The following RNF217 variants were observed in gnomAD, a reference collection of about 807,000 sequenced individuals.
RNF217 encodes E3 ubiquitin-protein ligase RNF217.
In RNF217, 31 loss-of-function variants were observed where a neutral mutation model predicts 57.8. The observed-to-expected ratio is 0.54, with a 90% CI of 0.40 to 0.72. The LOEUF is 0.72. Among genes scored for constraint, RNF217 ranks in the 30% least tolerant of loss-of-function variants. RNF217 has a pLI of 0.00. For missense variants in RNF217, 696 were observed against 708.3 expected (o/e 0.98, Z 0.20); for synonymous variants, 313 against 294.0 (o/e 1.06, Z -0.66).
chr6:125,031,091 C>T (rs1437959688), intron 1 of RNF217, among the ~76,000 whole-genome samples: 3 of 152,218 alleles, frequency 2.0e-5, no homozygotes, highest in East Asian at 1.9e-4. Context: ...AGCCACAGCC[C>T]GAGCTGTATG....
intron 1 of RNF217, among the ~76,000 whole-genome samples, chr6:125,013,712 T>C (rs1200348175): frequency 6.6e-6 from 1 of 152,140 alleles, no homozygotes; most frequent in Non-Finnish European, 1.5e-5. Context: ...ATACTCCATA[T>C]ATATCAATTA....
At chr6:124,996,526 G>T (rs1784757269) in intron 1 of RNF217, 1 of 151,998 alleles carries the variant, frequency 6.6e-6, no homozygotes, top group Non-Finnish European at 1.5e-5. Context: ...CTTTTATGAA[G>T]AGTTTTAATT....
At chr6:125,082,821 A>T (rs775227589) in intron 5 of RNF217, 43 bp from the exon 6 acceptor site, 70 of 1,401,466 alleles carry the variant, frequency 5.0e-5, no homozygotes, top group Non-Finnish European at 6.8e-5. Flanking sequence ...GAAAACCTAA[A>T]TGCCTCTCAT....
Position 125,087,572 on chromosome 6 carries a change from A to T in RNF217, c.*4635A>T, listed in dbSNP as rs487403. On this transcript the variant is annotated 3_prime_UTR_variant, in exon 6 of 6. Transcript: ENST00000521654. The stretch of plus-strand genomic sequence containing the variant: ...TACATTTCAATGGAGACAGTATACA[A>T]AGTTAAAGCAACTGATACATATATT... 1 of 152,158 alleles carries T rather than the reference A, an allele frequency of 6.6e-6. No individual in the cohort carries two copies. The allele number at this position is 152,158 out of a possible 1,614,324, so 9.4% of individuals were successfully genotyped here. A position where few individuals can be genotyped will look rare whatever the true frequency, so the allele number is the denominator to read the frequency against.
At chr6:125,060,289 A>G (rs540552230) in intron 3 of RNF217, among the ~76,000 whole-genome samples, 21 of 152,214 alleles carry the variant, frequency 1.4e-4, no homozygotes, top group Non-Finnish European at 2.2e-4. Flanking sequence ...ACATATTTTC[A>G]TATAAATGCT....
At chr6:125,001,604 TCA>T (rs2114285717) in intron 1 of RNF217, among the ~76,000 whole-genome samples, 1 of 152,332 alleles carries the variant, frequency 6.6e-6, no homozygotes, top group South Asian at 2.1e-4. Flanking sequence ...TAAATTTGAA[TCA>T]CAGTTGTTAA....
Position 125,083,600 on chromosome 6 carries a change from C to T in RNF217, c.*663C>T, listed in dbSNP as rs373276187. 9 of 152,168 alleles carry T rather than the reference C, an allele frequency of 5.9e-5. No individual in the cohort carries two copies. The highest frequency in any genetic ancestry group is 2.2e-4 in the African/African-American group (9 of 41,536). 9.4% of individuals were successfully genotyped at this position (152,168 alleles called of 1,614,324 possible). A position where few individuals can be genotyped will look rare whatever the true frequency, so the allele number is the denominator to read the frequency against. Reference sequence around the variant, plus strand: ...TAAAACTAGGCCCAGTAACCTTGTACTTACCCAGTTCCATGCCGCTACACT... The same window carrying T: ...TAAAACTAGGCCCAGTAACCTTGTATTTACCCAGTTCCATGCCGCTACACT... On this transcript the variant is annotated 3_prime_UTR_variant, in exon 6 of 6. Coordinates refer to ENST00000521654, the MANE Select transcript of RNF217 (RefSeq NM_001286398.3).
Position 124,962,783 on chromosome 6 carries a change from A to G in RNF217, c.239A>G (p.Lys80Arg). 1.9e-6 allele frequency: 3 copies of G among 1,596,618 alleles called. No homozygotes were observed. Among genetic ancestry groups the G allele is most frequent in the Non-Finnish European group, 2.5e-6 (3 of 1,179,392 alleles). Residue 80 changes from lysine to arginine, a missense_variant, in exon 1 of 6, where the codon AAG becomes AGG. Transcript: ENST00000521654. The surrounding 1 kb of genome is among the most constrained non-coding windows in gnomAD (Gnocchi z 4.6). ...ARSLGPPGWS[K>R]SRAPAQPAGL... ...AGCCTGGGGCCCCCGGGCTGGAGTA[A>G]GAGCCGAGCACCGGCGCAGCCTGCG...
chr6:125,074,304 GA>G (rs1380802836), intron 3 of RNF217, among the ~76,000 whole-genome samples: 3 of 83,168 alleles, frequency 3.6e-5, no homozygotes, highest in Non-Finnish European at 5.9e-5. Context: ...TAGGTAGATA[GA>G]TAGATAGATA....
chr6:124,966,215 G>A (rs941494025), intron 1 of RNF217, among the ~76,000 whole-genome samples: 4 of 152,176 alleles, frequency 2.6e-5, no homozygotes, highest in Non-Finnish European at 5.9e-5. Flanking sequence ...CAGGATTGTG[G>A]TTGTAATATT....
At chr6:125,007,820 C>T (rs1172097083) in intron 1 of RNF217, among the ~76,000 whole-genome samples, 2 of 152,040 alleles carry the variant, frequency 1.3e-5, no homozygotes, top group Admixed American at 1.3e-4. Context: ...CAGTGGATAC[C>T]TAAAATCATG....
intron 1 of RNF217, among the ~76,000 whole-genome samples, chr6:125,014,928 C>G (rs1269663284): frequency 6.6e-6 from 1 of 152,088 alleles, no homozygotes; most frequent in Non-Finnish European, 1.5e-5. Context: ...GTTGACCCTG[C>G]TCAAAATCCT....
At chr6:124,996,699 T>C (rs1025942876) in intron 1 of RNF217, 4 of 152,178 alleles carry the variant, frequency 2.6e-5, no homozygotes, top group African/African-American at 7.2e-5. Flanking sequence ...TAAAGTTAGA[T>C]GCAAAAGTAA....
chr6:125,050,596 A>G (rs1338247349), intron 2 of RNF217, among the ~76,000 whole-genome samples: 3 of 151,956 alleles, frequency 2.0e-5, no homozygotes, highest in African/African-American at 7.2e-5. Flanking sequence ...GAACTGGTGT[A>G]CTTTAAAACG....
At chr6:125,078,358 T>C (rs1788455050) in intron 4 of RNF217, among the ~76,000 whole-genome samples, 2 of 152,204 alleles carry the variant, frequency 1.3e-5, no homozygotes, top group South Asian at 4.1e-4. Context: ...TTTTATTTTC[T>C]ACTTCAGTGC....
Position 124,962,592 on chromosome 6 carries a change from G to A in RNF217, c.48G>A (p.Glu16=), listed in dbSNP as rs1783322769. Residue 16 remains glutamate (E), a synonymous_variant, in exon 1 of 6, where the codon GAG becomes GAA. Transcript: ENST00000521654. This position sits in a 1 kb window ranked among gnomAD's most constrained non-coding sequence, Gnocchi z 4.6. ...TGAGCGGCGGCGGCGGGCCCCAGGA[G>A]TCGCAGACCCTGGCCAGTGGCACTG... ...STVSGGGGPQ[E]SQTLASGTAG... 3.1e-6 allele frequency: 4 copies of A among 1,291,156 alleles called. No homozygotes were observed. Among genetic ancestry groups the A allele is most frequent in the Admixed American group, 7.7e-5 (2 of 25,934 alleles). 80.0% of individuals were successfully genotyped at this position (1,291,156 alleles called of 1,614,324 possible). A position where few individuals can be genotyped will look rare whatever the true frequency, so the allele number is the denominator to read the frequency against.
At chr6:125,051,690 A>C (rs1787322629) in intron 2 of RNF217, among the ~76,000 whole-genome samples, 1 of 151,980 alleles carries the variant, frequency 6.6e-6, no homozygotes, top group Admixed American at 6.6e-5. Context: ...GCCTTCACTT[A>C]TTGGTCACAG....
chr6:124,991,856 G>C (rs1402986463), intron 1 of RNF217, among the ~76,000 whole-genome samples: 2 of 152,130 alleles, frequency 1.3e-5, no homozygotes, highest in African/African-American at 4.8e-5. Flanking sequence ...GGGCTCTTGT[G>C]TTCAGTGGCT....
chr6:125,039,106 T>A (rs181165448), intron 1 of RNF217, among the ~76,000 whole-genome samples: 1 of 152,096 alleles, frequency 6.6e-6, no homozygotes, highest in Admixed American at 6.6e-5. Context: ...TGATGTTTGG[T>A]TTTCTGTTCC....
Sources: allele counts gnomAD v4.1 joint callset (sites outside exome capture counted in the v4.1 genomes callset), GRCh38; gene constraint gnomAD v4.1.1; non-coding constraint Gnocchi (gnomAD v3.1); transcripts MANE v1.5; gene names NCBI Gene and HGNC (gene_info 2026-07-23, HGNC 2026-07-21).